The following ATAD3C variants were observed in gnomAD, a reference collection of about 807,000 sequenced individuals.
ATAD3C encodes ATPase family AAA domain-containing protein 3C.
In ATAD3C, 38 loss-of-function variants were observed where a neutral mutation model predicts 46.3. The observed-to-expected ratio is 0.82, with a 90% CI of 0.63 to 1.08. ATAD3C has a LOEUF of 1.08. Ranked by LOEUF, ATAD3C falls within the 50% of genes least tolerant of loss-of-function variation. The probability of loss-of-function intolerance (pLI) is 0.00; values close to 1 mark genes in which losing one functional copy is unlikely to be tolerated. For synonymous variants in ATAD3C, 220 were observed against 236.4 expected, an observed-to-expected ratio of 0.93 and a Z score of 0.63; for missense variants, 563 against 572.7, an observed-to-expected ratio of 0.98 and a Z score of 0.17.
rs373425103 is a variant in ATAD3C, at chr1:1,455,655, G to A, written c.438+136G>A. Reference sequence around the variant, plus strand: ...GAGATGCGACTGCTTGGACCGTGCCGGGGATAGATAGGCTGCCCACGAGCT... The same window carrying A: ...GAGATGCGACTGCTTGGACCGTGCCAGGGATAGATAGGCTGCCCACGAGCT... On this transcript the variant is annotated intron_variant, in intron 5 of 11. Transcript: ENST00000378785. 354 of 1,559,668 alleles carry A rather than the reference G, an allele frequency of 2.3e-4. 4 individuals carry two copies. In the East Asian group the frequency reaches 2.3e-3, roughly 10 times the overall value.
At chr1:1,467,715 GT>G (rs1416542838) in intron 11 of ATAD3C, among the ~76,000 whole-genome samples, 1 of 152,082 alleles carries the variant, frequency 6.6e-6, no homozygotes, top group African/African-American at 2.4e-5. Flanking sequence ...CCCAGTGGGG[GT>G]CCCCACACCC....
At chr1:1,452,580 T>C in intron 3 of ATAD3C, 146 bp downstream of exon 3, 1 of 1,330,904 alleles carries the variant, frequency 7.5e-7, no homozygotes, top group Non-Finnish European at 1.0e-6. Context: ...GACCTGCTGG[T>C]GGGAGCCGCT....
rs537025793 is a variant in ATAD3C, at chr1:1,465,929, C to CTTGT, written c.1090-2454_1090-2451dup. ...CACCACTGAGTATGTCACCTGTGGG[C>CTTGT]TTGTGATATATGGTCTTCATTGTGT... On this transcript the variant is annotated intron_variant, in intron 11 of 11. Coordinates refer to ENST00000378785, the MANE Select transcript of ATAD3C (RefSeq NM_001039211.3). 8.6e-4 allele frequency among the ~76,000 whole-genome samples: 131 copies of CTTGT among 151,980 alleles called. 2 individuals carry two copies. The highest frequency in any genetic ancestry group is 3.0e-3 in the African/African-American group (125 of 41,484).
intron 11 of ATAD3C, among the ~76,000 whole-genome samples, chr1:1,466,178 G>A (rs552055542): frequency 1.3e-5 from 2 of 149,860 alleles, no homozygotes; most frequent in South Asian, 2.1e-4. Context: ...GCAAGCAGAG[G>A]TTGCGGTGAG....
At chr1:1,450,933 C>T (rs552679152) in intron 1 of ATAD3C, among the ~76,000 whole-genome samples, 175 bp downstream of exon 1, 10 of 151,790 alleles carry the variant, frequency 6.6e-5, no homozygotes, top group South Asian at 4.2e-4. Context: ...AGGTGAGAGA[C>T]GCTGCCGCAG....
intron 3 of ATAD3C, among the ~76,000 whole-genome samples, chr1:1,453,148 A>T (rs2100473556): frequency 6.6e-6 from 1 of 152,178 alleles, no homozygotes; most frequent in South Asian, 2.1e-4. Flanking sequence ...TGTTGCCGCC[A>T]TGTTGGTGAG....
In ATAD3C at chr1:1,469,957, T is replaced by G. The variant is rs1639216841; in HGVS notation, c.*1427T>G. 6.6e-6 allele frequency: 1 copy of G among 151,878 alleles called. No individual in the cohort carries two copies. The highest frequency in any genetic ancestry group is 2.4e-5 in the African/African-American group (1 of 41,304). 9.4% of individuals were successfully genotyped at this position (151,878 alleles called of 1,614,324 possible). The stretch of plus-strand genomic sequence containing the variant: ...ATGTACTTTGCAATCTCCCCCACCC[T>G]TAAGAAGGTTCTTTGTCATTCTCCC... On this transcript the variant is annotated 3_prime_UTR_variant, in exon 12 of 12. Transcript: ENST00000378785.
chr1:1,457,460 G>A (rs1473946241), intron 8 of ATAD3C, among the ~76,000 whole-genome samples: 1 of 151,242 alleles, frequency 6.6e-6, no homozygotes, highest in Non-Finnish European at 1.5e-5. Flanking sequence ...GCTGTGCGTG[G>A]TGGCGGGCGC....
intron 1 of ATAD3C, among the ~76,000 whole-genome samples, 164 bp from the exon 2 acceptor site, chr1:1,451,882 G>A (rs112013420): frequency 0.032 from 4,835 of 151,914 alleles, 246 homozygotes; most frequent in African/African-American, 0.1. Flanking sequence ...CTGCCGTCCC[G>A]GCCGATGTCA....
chr1:1,461,521 G>A (rs892697793), intron 10 of ATAD3C, among the ~76,000 whole-genome samples: 3 of 150,916 alleles, frequency 2.0e-5, no homozygotes, highest in Non-Finnish European at 2.9e-5. Flanking sequence ...GCGGAGAGCT[G>A]TGAGGAAATC....
intron 3 of ATAD3C, among the ~76,000 whole-genome samples, chr1:1,452,809 A>T (rs1173584303): frequency 8.0e-6 from 1 of 125,364 alleles, no homozygotes; most frequent in African/African-American, 3.6e-5. Context: ...AAAAAAAAAA[A>T]AAGAAAGAAA....
intron 11 of ATAD3C, among the ~76,000 whole-genome samples, chr1:1,464,594 A>C (rs1489711966): frequency 6.6e-6 from 1 of 151,722 alleles, no homozygotes; most frequent in Non-Finnish European, 1.5e-5. Context: ...AACATGGTGA[A>C]ACCCCGTCTC....
intron 2 of ATAD3C, 97 bp downstream of exon 2, chr1:1,452,219 G>A (rs572477950): frequency 2.4e-5 from 38 of 1,576,656 alleles, no homozygotes; most frequent in Admixed American, 5.4e-5. Flanking sequence ...AGGTCTGGCC[G>A]CTGTAGGCTG....
At chr1:1,456,578 CAG>C (rs374627973) in intron 7 of ATAD3C, among the ~76,000 whole-genome samples, 4,277 of 149,794 alleles carry the variant, frequency 0.029, 3 homozygotes, top group African/African-American at 0.099. Flanking sequence ...ATACTTGGCT[CAG>C]GGCAGAAGGG....
rs372248146 is a variant in ATAD3C at position 1,459,261 on chromosome 1, C to T, written c.812+30C>T. On this transcript the variant is annotated intron_variant, in intron 9 of 11. Coordinates refer to ENST00000378785, the MANE Select transcript of ATAD3C (RefSeq NM_001039211.3). The surrounding 1 kb of genome is among the most constrained non-coding windows in gnomAD (Gnocchi z 4.9). ...GGGAGCCCCTCGGGTCCTGGGCCCC[C>T]GGGCAGGGCTGTGCAGCCGTCACCC... is the stretch of plus-strand genomic sequence containing the variant. The T allele has an allele frequency of 2.3e-5, 37 of 1,610,160 alleles. 2 individuals carry two copies. Among genetic ancestry groups the T allele is most frequent in the African/African-American group, 1.2e-4 (9 of 73,638 alleles).
At chr1:1,453,609 T>C (rs551048208) in intron 3 of ATAD3C, among the ~76,000 whole-genome samples, 2 of 151,618 alleles carry the variant, frequency 1.3e-5, no homozygotes, top group East Asian at 3.9e-4. Flanking sequence ...AGTGCTGGGA[T>C]TACAGGGATG....
Position 1,450,678 on chromosome 1 carries a change from C to T in ATAD3C, c.-6C>T, listed in dbSNP as rs757013030. On this transcript the variant is annotated 5_prime_UTR_variant, in exon 1 of 12. Coordinates refer to ENST00000378785, the MANE Select transcript of ATAD3C (RefSeq NM_001039211.3). The stretch of plus-strand genomic sequence containing the variant: ...CCTGCCCTCCGTGTCCCTGCATCTG[C>T]AGGCCATGTCAAAGGACGCCCTGAA... The T allele has an allele frequency of 3.1e-6, 5 of 1,611,428 alleles. No homozygotes were observed. In the East Asian group the frequency reaches 1.1e-4, roughly 36 times the overall value.
At chr1:1,466,015 G>A (rs1433060095) in intron 11 of ATAD3C, among the ~76,000 whole-genome samples, 1 of 151,786 alleles carries the variant, frequency 6.6e-6, no homozygotes, top group African/African-American at 2.4e-5. Flanking sequence ...GTGTGAGGTG[G>A]GTGGATCACC....
rs181068440 is a variant in ATAD3C at position 1,462,652 on chromosome 1, C to T, written c.1033C>T (p.Arg345Trp). 4.0e-5 allele frequency: 64 copies of T among 1,606,856 alleles called. 1 individual carries two copies. Among genetic ancestry groups the T allele is most frequent in the Admixed American group, 6.8e-5 (4 of 58,934 alleles). The stretch of plus-strand genomic sequence containing the variant: ...CGGGAGGAAGTGCTTAGAGATCGCT[C>T]GGCTGACAGAGGGCATGTCATGCCG... ...DYGRKCLEIA[R>W]LTEGMSCRKI... Residue 345 changes from arginine to tryptophan, a missense_variant, in exon 11 of 12, where the codon CGG becomes TGG. Arg to Trp is a moderately radical substitution (Grantham distance 101). Transcript: ENST00000378785. The surrounding 1 kb of genome is among the most constrained non-coding windows in gnomAD (Gnocchi z 4.5).
Sources: allele counts gnomAD v4.1 joint callset (sites outside exome capture counted in the v4.1 genomes callset), GRCh38; gene constraint gnomAD v4.1.1; non-coding constraint Gnocchi (gnomAD v3.1); transcripts MANE v1.5; gene names NCBI Gene and HGNC (gene_info 2026-07-23, HGNC 2026-07-21).